Variants in KRT74 observed in about 807,000 individuals in gnomAD.
KRT74 encodes the protein keratin 74, also known as keratin, type II cytoskeletal 74.
A neutral mutation model predicts 42.7 loss-of-function variants in KRT74; 43 were observed. The observed-to-expected ratio is 1.01, with a 90% CI of 0.79 to 1.30. KRT74 has a LOEUF of 1.30. Among genes scored for constraint, KRT74 ranks in the 50% most tolerant of loss-of-function variants. The pLI, the probability that KRT74 is intolerant of heterozygous loss-of-function variation, is 0.00. For synonymous variants in KRT74, 302 were observed against 279.0 expected, an observed-to-expected ratio of 1.08 and a Z score of -0.82; for missense variants, 736 against 689.1, an observed-to-expected ratio of 1.07 and a Z score of -0.76.
rs1231382398 is a variant in KRT74 at position 52,570,925 on chromosome 12, G to C, written c.844-92C>G. On this transcript the variant is annotated intron_variant, in intron 4 of 8. Transcript: ENST00000305620. ...TGGGCCCATGGTCCCTGGCCCAATA[G>C]GCTGCTAGGATCCACGGGGACAAAG... The C allele has an allele frequency of 4.8e-6, 7 of 1,456,446 alleles. No individual in the cohort carries two copies. In the South Asian group the frequency reaches 5.8e-5, roughly 12 times the overall value. 90.2% of individuals were successfully genotyped at this position (1,456,446 alleles called of 1,614,324 possible).
intron 1 of KRT74, 66 bp downstream of exon 1, chr12:52,573,241 T>C: frequency 4.7e-6 from 7 of 1,482,306 alleles, no homozygotes; most frequent in Middle Eastern, 2.0e-4. Context: ...TGCAGTCCAT[T>C]CCCAGGCAGC....
At position 52,572,599 on chromosome 12, in the gene KRT74, C is replaced by G; in HGVS notation, c.540G>C (p.Leu180=). 1 of 1,614,190 alleles carries G rather than the reference C, an allele frequency of 6.2e-7. No individual in the cohort carries two copies. The highest frequency in any genetic ancestry group is 1.1e-5 in the South Asian group (1 of 91,082). ...GCTCCAGGTTCTTCTTGCAGTTGTT[C>G]AGGTCCAGCTGCTGCAGCAGCTCCC... ...TKWELLQQLD[L]NNCKKNLEPI... is the part of the protein sequence containing the mutation. The change falls in exon 2 of 9, where the codon CTG becomes CTC. Residue 180 remains leucine (L), a synonymous_variant. Transcript: ENST00000305620.
At chr12:52,570,910 G>A in intron 4 of KRT74, 77 bp from the exon 5 acceptor site, 2 of 1,547,188 alleles carry the variant, frequency 1.3e-6, no homozygotes, top group Middle Eastern at 1.7e-4. Flanking sequence ...TGGGCCCATG[G>A]TCCCTGGCCC....
At position 52,571,399 on chromosome 12, in the gene KRT74, A is replaced by G; in HGVS notation, c.803T>C (p.Leu268Pro). The change falls in exon 4 of 9, where the codon CTG (leucine) becomes CCG (proline). Residue 268 changes from leucine to proline, a missense_variant. Coordinates refer to ENST00000305620, the MANE Select transcript of KRT74 (RefSeq NM_175053.4). ...CTTGAGGAACTTGATTTCTTTGTCC[A>G]GTGAGTCCACTTTGGCCTGAAGCTC... ...KVELQAKVDS[L>P]DKEIKFLKCL... 2 of 1,613,820 alleles carry G rather than the reference A, an allele frequency of 1.2e-6. No individual in the cohort carries two copies. The highest frequency in any genetic ancestry group is 1.7e-6 in the Non-Finnish European group (2 of 1,179,724).
chr12:52,572,596 G>T lies in KRT74; in HGVS notation c.543C>A (p.Asn181Lys). The T allele has an allele frequency of 6.2e-7, 1 of 1,614,170 alleles. No individual in the cohort carries two copies. Among genetic ancestry groups the T allele is most frequent in the African/African-American group, 1.3e-5 (1 of 75,044 alleles). Residue 181 changes from asparagine to lysine, a missense_variant, in exon 2 of 9, where the codon AAC becomes AAA. By Grantham distance (94) the Asn-to-Lys change is moderately conservative. Transcript: ENST00000305620. ...TGGGCTCCAGGTTCTTCTTGCAGTTGTTCAGGTCCAGCTGCTGCAGCAGCT... is the reference window on the plus strand; with the variant it reads ...TGGGCTCCAGGTTCTTCTTGCAGTTTTTCAGGTCCAGCTGCTGCAGCAGCT... ...KWELLQQLDL[N>K]NCKKNLEPIL... is the part of the protein sequence containing the mutation.
At chr12:52,570,929 G>T in intron 4 of KRT74, 96 bp from the exon 5 acceptor site, 2 of 1,419,286 alleles carry the variant, frequency 1.4e-6, no homozygotes, top group Non-Finnish European at 2.0e-6. Context: ...CCAATAGGCT[G>T]CTAGGATCCA....
chr12:52,571,601 A>G lies in KRT74; in HGVS notation c.748-147T>C, dbSNP rs1939483891. On this transcript the variant is annotated intron_variant, in intron 3 of 8. Transcript: ENST00000305620. ...TATCAATTTCTTCTCAGGCTGCCTG[A>G]AGCTTTGGGAATAGGGAAAGGAGGA... 4 of 702,798 alleles carry G rather than the reference A, an allele frequency of 5.7e-6. No individual in the cohort carries two copies. In the African/African-American group the frequency reaches 7.0e-5, roughly 12 times the overall value. The allele number at this position is 702,798 out of a possible 1,614,324, so 43.5% of individuals were successfully genotyped here.
rs1020012481 is a variant in KRT74, at chr12:52,565,903, C to A, written c.*1066G>T. 3 of 152,216 alleles carry A rather than the reference C, an allele frequency of 2.0e-5. No homozygotes were observed. Among genetic ancestry groups the A allele is most frequent in the Admixed American group, 2.0e-4 (3 of 15,280 alleles). 9.4% of individuals were successfully genotyped at this position (152,216 alleles called of 1,614,324 possible). ...GGAATATTTACACCCTGAGCCACGA[C>A]ATCTGGACTAGGCAGTAGCACTCAG... On this transcript the variant is annotated 3_prime_UTR_variant, in exon 9 of 9. Coordinates refer to ENST00000305620, the MANE Select transcript of KRT74 (RefSeq NM_175053.4).
chr12:52,571,030 G>A (rs1273035185), intron 4 of KRT74, among the ~76,000 whole-genome samples, 197 bp from the exon 5 acceptor site: 1 of 152,256 alleles, frequency 6.6e-6, no homozygotes, highest in African/African-American at 2.4e-5. Flanking sequence ...CCCTGCATAT[G>A]GCAGATGCCC....
intron 6 of KRT74, among the ~76,000 whole-genome samples, chr12:52,568,710 GC>G (rs1158482864): frequency 2.0e-5 from 3 of 152,198 alleles, no homozygotes; most frequent in Non-Finnish European, 4.4e-5. Context: ...GGAAAATCAT[GC>G]CCGATCCCCT....
rs1319092752 is a variant in KRT74 at position 52,571,442 on chromosome 12, C to T, written c.760G>A (p.Ala254Thr). The change falls in exon 4 of 9, where the codon GCC becomes ACC. Residue 254 changes from alanine (A) to threonine (T), a missense_variant. Coordinates refer to ENST00000305620, the MANE Select transcript of KRT74 (RefSeq NM_175053.4). ...FVVLKKDADA[A>T]YAVKVELQAK... The stretch of plus-strand genomic sequence containing the variant: ...TGAAGCTCCACCTTGACTGCGTAGG[C>T]TGCATCTGCATCCTGCCAAGAGGCC... 4 of 1,612,864 alleles carry T rather than the reference C, an allele frequency of 2.5e-6. No homozygotes were observed. The Admixed American group carries it at 6.7e-5, about 27-fold the overall frequency.
chr12:52,566,849 G>T lies in KRT74; in HGVS notation c.*120C>A. 1.4e-6 allele frequency: 1 copy of T among 727,402 alleles called. No homozygotes were observed. The highest frequency in any genetic ancestry group is 2.3e-6 in the Non-Finnish European group (1 of 443,762). 45.1% of individuals were successfully genotyped at this position (727,402 alleles called of 1,614,324 possible). On this transcript the variant is annotated 3_prime_UTR_variant, in exon 9 of 9. Coordinates refer to ENST00000305620, the MANE Select transcript of KRT74 (RefSeq NM_175053.4). ...TAAAAGCTAAACCACGATGCAGACA[G>T]TTGAGTGTACTACAGACAGTTTTAA...
intron 6 of KRT74, 106 bp from the exon 7 acceptor site, chr12:52,568,495 A>G (rs1939420338): frequency 2.5e-6 from 3 of 1,221,800 alleles, no homozygotes; most frequent in African/African-American, 1.5e-5. Flanking sequence ...CCTAGGTGAC[A>G]AGGAGTAAAA....
Position 52,568,313 on chromosome 12 carries a change from A to T in KRT74, c.1211T>A (p.Leu404Gln). Residue 404 changes from leucine to glutamine, a missense_variant, in exon 7 of 9, where the codon CTG becomes CAG. Physicochemically the swap from Leu to Gln is moderately radical, Grantham distance 113. Coordinates refer to ENST00000305620, the MANE Select transcript of KRT74 (RefSeq NM_175053.4). ...DNALKDAQAK[L>Q]DELEGALHQA... ...GTGCAGGGCGCCCTCCAGCTCATCC[A>T]GCTTGGCCTGGGCATCCTTCAGGGC... 1 of 1,614,228 alleles carries T rather than the reference A, an allele frequency of 6.2e-7. No individual in the cohort carries two copies. The highest frequency in any genetic ancestry group is 8.5e-7 in the Non-Finnish European group (1 of 1,180,048).
chr12:52,571,828 C>G, intron 3 of KRT74, 116 bp downstream of exon 3: 2 of 810,152 alleles, frequency 2.5e-6, no homozygotes, highest in Admixed American at 3.4e-5. Flanking sequence ...TCACCAGGCA[C>G]CAGCCCCCTC....
rs1331769705 is a variant in KRT74, at chr12:52,567,726, C to T, written c.1356-33G>A. 4 of 1,570,920 alleles carry T rather than the reference C, an allele frequency of 2.5e-6. No homozygotes were observed. The East Asian group carries it at 6.7e-5, about 26-fold the overall frequency. On this transcript the variant is annotated intron_variant, in intron 7 of 8. Transcript: ENST00000305620. Reference sequence around the variant, plus strand: ...ACAGAAAGTTAGAGAAAGATAAAAACTCAGTGTCGAGATTCCACTAAACAT... The same window carrying T: ...ACAGAAAGTTAGAGAAAGATAAAAATTCAGTGTCGAGATTCCACTAAACAT...
Position 52,567,045 on chromosome 12 carries a change from G to A in KRT74, c.1514C>T (p.Ala505Val), listed in dbSNP as rs201834154. Residue 505 changes from alanine to valine, a missense_variant, in exon 9 of 9, where the codon GCG (alanine) becomes GTG (valine). Transcript: ENST00000305620. ...GGTGTCCTTGAGGTCTCCCCCTCGC[G>A]CCTCTGTGGTCTTGGTCTGCCCGCT... Reference protein sequence around the residue: ...TQSGQTKTTEARGGDLKDTQG... With the variant: ...TQSGQTKTTEVRGGDLKDTQG... The A allele has an allele frequency of 6.6e-5, 106 of 1,598,934 alleles. No homozygotes were observed. In the East Asian group the frequency reaches 8.5e-4, roughly 13 times the overall value.
Position 52,571,351 on chromosome 12 carries a change from G to T in KRT74, c.843+8C>A. The T allele has an allele frequency of 6.4e-7, 1 of 1,559,746 alleles. No individual in the cohort carries two copies. Among genetic ancestry groups the T allele is most frequent in the Non-Finnish European group, 8.8e-7 (1 of 1,130,666 alleles). ...AGGGTGAGGGTGGGGGGACAGGAGT[G>T]TCCTTACTGCATCATACAGACACTT... On this transcript the variant is annotated splice_region_variant and intron_variant, in intron 4 of 8. Coordinates refer to ENST00000305620, the MANE Select transcript of KRT74 (RefSeq NM_175053.4).
intron 1 of KRT74, 42 bp from the exon 2 acceptor site, chr12:52,572,709 C>G: frequency 6.4e-7 from 1 of 1,559,292 alleles, no homozygotes; most frequent in Non-Finnish European, 8.8e-7. Flanking sequence ...ACAATGGGTG[C>G]AGTCATGCCC....
Sources: gnomAD v4.1 joint callset for allele counts (sites outside exome capture counted in the v4.1 genomes callset) on GRCh38, gnomAD v4.1.1 for gene constraint, MANE v1.5 for transcripts, NCBI Gene and HGNC (gene_info 2026-07-23, HGNC 2026-07-21) for gene names.